ESR2: variants seen among roughly 807,000 people sequenced by gnomAD.
The protein encoded by ESR2 is estrogen receptor beta.
ESR2 carries 36 observed loss-of-function variants against 49.6 expected under a neutral mutation model. The ratio of observed to expected loss-of-function variants is 0.73; its 90% CI spans 0.56 to 0.96. The LOEUF (loss-of-function observed/expected upper bound fraction) is 0.96. Ranked by LOEUF, ESR2 falls within the 40% of genes least tolerant of loss-of-function variation. The pLI is 0.00. For missense variants in ESR2, 714 were observed against 693.0 expected, an observed-to-expected ratio of 1.03 and a Z score of -0.34; for synonymous variants, 320 against 266.1, an observed-to-expected ratio of 1.20 and a Z score of -1.97.
At chr14:64,315,425 C>G (rs572269402) in intron 1 of ESR2, among the ~76,000 whole-genome samples, 7 of 151,970 alleles carry the variant, frequency 4.6e-5, no homozygotes, top group Non-Finnish European at 8.8e-5. Flanking sequence ...TTGAAAAACA[C>G]AAACTACTAC....
At chr14:64,314,351 T>C (rs531521619) in intron 1 of ESR2, among the ~76,000 whole-genome samples, 1 of 150,796 alleles carries the variant, frequency 6.6e-6, no homozygotes, top group Admixed American at 6.6e-5. Flanking sequence ...GGGACACAGC[T>C]AAAGCACCAC....
chr14:64,332,871 ATCT>A (rs2077479827), intron 1 of ESR2, among the ~76,000 whole-genome samples: 1 of 143,292 alleles, frequency 7.0e-6, no homozygotes, highest in East Asian at 2.3e-4. Context: ...ATAATCACAA[ATCT>A]TTTTTTTTTT....
rs748229456 is a variant in ESR2, at chr14:64,328,051, C to CAAA, written c.-91+9844_-91+9846dup. On this transcript the variant is annotated intron_variant, in intron 1 of 8. Transcript: ENST00000358599. Reference sequence around the variant, plus strand: ...GTGAAACCTGTCTCTACTAAAAATACAAAAAAAAAAAAAAAAAAAAATTAG... The same window carrying CAAA: ...GTGAAACCTGTCTCTACTAAAAATACAAAAAAAAAAAAAAAAAAAAAAAATTAG... 2.3e-4 allele frequency among the ~76,000 whole-genome samples: 20 copies of CAAA among 87,108 alleles called. 2 individuals carry two copies. The highest frequency in any genetic ancestry group is 1.0e-3 in the East Asian group (3 of 2,930). 57.1% of individuals were successfully genotyped at this position (87,108 alleles called of 152,430 possible).
chr14:64,332,624 C>A (rs2077474037), intron 1 of ESR2, among the ~76,000 whole-genome samples: 1 of 151,716 alleles, frequency 6.6e-6, no homozygotes, highest in Non-Finnish European at 1.5e-5. Context: ...CACGGTGAAA[C>A]CCCGTCTCTA....
rs546130797 is a variant in ESR2 at position 64,329,012 on chromosome 14, T to G, written c.-91+8886A>C. Among the ~76,000 whole-genome samples the G allele has an allele frequency of 1.7e-4, 26 of 152,270 alleles. No homozygotes were observed. In the South Asian group the frequency reaches 4.8e-3, roughly 28 times the overall value. ...AGATATTTTAAAATATTATTTATAT[T>G]GTAATTCTACTTTAAGTACGCCTAC... is the stretch of plus-strand genomic sequence containing the variant. On this transcript the variant is annotated intron_variant, in intron 1 of 8. Coordinates refer to the ESR2 transcript ENST00000358599.
intron 6 of ESR2, among the ~76,000 whole-genome samples, chr14:64,254,421 C>T (rs1040306666): frequency 6.6e-6 from 1 of 151,918 alleles, no homozygotes; most frequent in Non-Finnish European, 1.5e-5. Flanking sequence ...ACTTCAAGTT[C>T]CAGACTTCAG....
At chr14:64,308,643 C>T (rs1194296176) in intron 1 of ESR2, among the ~76,000 whole-genome samples, 1 of 151,890 alleles carries the variant, frequency 6.6e-6, no homozygotes, top group Non-Finnish European at 1.5e-5. Context: ...GTGTATTCTG[C>T]TATTGTTAAG....
intron 6 of ESR2, among the ~76,000 whole-genome samples, chr14:64,252,383 A>C (rs2076006866): frequency 6.6e-6 from 1 of 152,194 alleles, no homozygotes; most frequent in African/African-American, 2.4e-5. Context: ...TGTATCAACC[A>C]AACTGACCTA....
chr14:64,317,433 C>A (rs957507701), intron 1 of ESR2, among the ~76,000 whole-genome samples: 1 of 152,156 alleles, frequency 6.6e-6, no homozygotes, highest in African/African-American at 2.4e-5. Flanking sequence ...GAAGGGGGAG[C>A]CCAGCACCTG....
chr14:64,287,151 G>A (rs1460333754), intron 1 of ESR2, among the ~76,000 whole-genome samples: 2 of 151,672 alleles, frequency 1.3e-5, no homozygotes, highest in East Asian at 3.9e-4. Context: ...CCAATCTCTA[G>A]AACTCATTTC....
intron 1 of ESR2, among the ~76,000 whole-genome samples, chr14:64,327,092 T>C (rs2077398923): frequency 6.6e-6 from 1 of 152,156 alleles, no homozygotes; most frequent in African/African-American, 2.4e-5. Flanking sequence ...CATATGGGAG[T>C]GAATCTGTTG....
intron 1 of ESR2, among the ~76,000 whole-genome samples, chr14:64,321,878 A>G (rs1024007331): frequency 2.4e-4 from 36 of 152,036 alleles, no homozygotes; most frequent in African/African-American, 7.7e-4. Flanking sequence ...ATAAACATAA[A>G]GGTGGGAACA....
At chr14:64,335,516 A>G (rs1173514246) in intron 1 of ESR2, among the ~76,000 whole-genome samples, 3 of 152,198 alleles carry the variant, frequency 2.0e-5, no homozygotes, top group Non-Finnish European at 4.4e-5. Context: ...GACAGAAGAA[A>G]GCTCTGGACT....
chr14:64,249,472 T>G, intron 7 of ESR2, 74 bp downstream of exon 7: 1 of 1,496,160 alleles, frequency 6.7e-7, no homozygotes, highest in Non-Finnish European at 9.1e-7. Flanking sequence ...TTCAACATTC[T>G]TCTTAATATC....
At chr14:64,297,164 CA>C (rs1277171125), upstream of ESR2, among the ~76,000 whole-genome samples, 5 of 152,182 alleles carry the variant, frequency 3.3e-5, no homozygotes, top group African/African-American at 1.2e-4. Context: ...AAATATCCTA[CA>C]ATGGGGATTG....
chr14:64,278,586 G>A (rs1255488088), intron 3 of ESR2, among the ~76,000 whole-genome samples: 1 of 152,214 alleles, frequency 6.6e-6, no homozygotes, highest in African/African-American at 2.4e-5. Context: ...AAAAGGAAGG[G>A]AGCTTTCAGA....
intron 1 of ESR2, among the ~76,000 whole-genome samples, chr14:64,320,895 C>CAAT (rs905192653): frequency 2.1e-4 from 32 of 151,294 alleles, no homozygotes; most frequent in South Asian, 2.1e-3. Context: ...AACTCCGCCT[C>CAAT]AATAATAATA....
intron 8 of ESR2, chr14:64,234,746 AC>A: frequency 1.0e-6 from 1 of 994,054 alleles, no homozygotes; most frequent in Non-Finnish European, 1.4e-6. Context: ...CCCATGAGCC[AC>A]CACTGGCTGC....
At position 64,230,274 on chromosome 14, in the gene ESR2, T is replaced by C. The variant is rs2098725979; in HGVS notation, c.*2863A>G. Among the ~76,000 whole-genome samples, 2 of 151,720 alleles carry C rather than the reference T, an allele frequency of 1.3e-5. No individual in the cohort carries two copies. Among genetic ancestry groups the C allele is most frequent in the Admixed American group, 1.3e-4 (2 of 15,246 alleles). On this transcript the variant is annotated 3_prime_UTR_variant, in exon 9 of 9. Coordinates refer to ENST00000341099, the MANE Select transcript of ESR2 (RefSeq NM_001437.3). Reference sequence around the variant, plus strand: ...TCAAAATAGGCCTATAAACAGAAGGTTCACTTTGAATTTGAAAAGTCCCTT... The same window carrying C: ...TCAAAATAGGCCTATAAACAGAAGGCTCACTTTGAATTTGAAAAGTCCCTT...
Sources: allele counts gnomAD v4.1 joint callset (sites outside exome capture counted in the v4.1 genomes callset), GRCh38; gene constraint gnomAD v4.1.1; transcripts MANE v1.5; gene names NCBI Gene and HGNC (gene_info 2026-07-23, HGNC 2026-07-21).